Variants in DNAH8 observed in about 807,000 individuals in gnomAD.
The protein encoded by DNAH8 is axonemal beta dynein heavy chain 8.
Under a neutral mutation model 562.1 loss-of-function variants are expected in DNAH8, and 382 were observed. The observed-to-expected ratio is 0.68, with a 90% CI of 0.63 to 0.74. DNAH8 has a LOEUF of 0.74. Ranked by LOEUF, DNAH8 falls within the 30% of genes least tolerant of loss-of-function variation. DNAH8 has a pLI of 0.00. For synonymous variants in DNAH8, 1,881 were observed against 1,919.4 expected (o/e 0.98, Z 0.52); for missense variants, 5,203 against 5,620.4 (o/e 0.93, Z 2.37).
rs764598256 is a variant in DNAH8, at chr6:38,984,321, G to T, written c.13053+14G>T. The stretch of plus-strand genomic sequence containing the variant: ...TGCTTTGCCAGAGTAAGTCAATTTA[G>T]AAAAATAAAGTTTGGAGACACATTT... On this transcript the variant is annotated intron_variant, in intron 87 of 92. Coordinates refer to ENST00000327475, the MANE Select transcript of DNAH8 (RefSeq NM_001206927.2). The T allele has an allele frequency of 6.5e-7, 1 of 1,548,346 alleles. No homozygotes were observed. The highest frequency in any genetic ancestry group is 1.7e-5 in the Admixed American group (1 of 59,866).
chr6:38,828,373 T>C lies in DNAH8; in HGVS notation c.4188+85T>C, dbSNP rs538675452. ...TATTTTATACCTTTTTAAAGCTTAA[T>C]ATACAGTCATGTGCCACATAACAAT... On this transcript the variant is annotated intron_variant, in intron 30 of 92. Transcript: ENST00000327475. The C allele has an allele frequency of 1.4e-5, 10 of 702,744 alleles. No homozygotes were observed. In the Admixed American group the frequency reaches 3.0e-4, roughly 21 times the overall value. 43.5% of individuals were successfully genotyped at this position (702,744 alleles called of 1,614,324 possible). A position where few individuals can be genotyped will look rare whatever the true frequency, so the allele number is the denominator to read the frequency against.
At chr6:38,810,991 CT>C (rs1771745846) in intron 24 of DNAH8, among the ~76,000 whole-genome samples, 1 of 152,074 alleles carries the variant, frequency 6.6e-6, no homozygotes, top group Non-Finnish European at 1.5e-5. Context: ...AGTTTTGTTG[CT>C]GCTGATGAGA....
intron 26 of DNAH8, among the ~76,000 whole-genome samples, chr6:38,820,902 A>T (rs1456165415): frequency 1.3e-5 from 2 of 152,148 alleles, no homozygotes; most frequent in South Asian, 4.1e-4. Context: ...GAAAGCCTGA[A>T]TTTTTTCCCC....
intron 21 of DNAH8, among the ~76,000 whole-genome samples, chr6:38,797,678 A>G (rs1175945522): frequency 6.6e-6 from 1 of 152,162 alleles, no homozygotes; most frequent in East Asian, 1.9e-4. Flanking sequence ...CTAAGTTGCA[A>G]TTCAGGTTTT....
chr6:38,770,937 G>T (rs1405249262), intron 12 of DNAH8, among the ~76,000 whole-genome samples: 2 of 152,192 alleles, frequency 1.3e-5, no homozygotes, highest in Non-Finnish European at 2.9e-5. Context: ...GTATAAGCAT[G>T]TCCTCTTTCT....
intron 92 of DNAH8, 57 bp downstream of exon 92, chr6:39,026,724 G>A (rs752527337): frequency 3.1e-6 from 5 of 1,592,274 alleles, no homozygotes; most frequent in Admixed American, 1.7e-5. Context: ...GAAATTTCAA[G>A]TTCTGCTTAA....
chr6:39,009,033 A>G (rs1451155204), intron 89 of DNAH8, 63 bp downstream of exon 89: 4 of 1,243,858 alleles, frequency 3.2e-6, no homozygotes, highest in Non-Finnish European at 4.5e-6. Flanking sequence ...AGTAAGTTTG[A>G]TTACCTTGAA....
rs555426453 is a variant in DNAH8 at position 38,981,257 on chromosome 6, A to T, written c.12835-1089A>T. Among the ~76,000 whole-genome samples the T allele has an allele frequency of 2.8e-4, 42 of 152,242 alleles. No individual in the cohort carries two copies. In the South Asian group the frequency reaches 8.5e-3, roughly 31 times the overall value. The stretch of plus-strand genomic sequence containing the variant: ...CCTTAGAGACTGATTATGTGTTGCG[A>T]TAGGAAAAGCTGATGCCATAGAAAC... On this transcript the variant is annotated intron_variant, in intron 85 of 92. Transcript: ENST00000327475.
At chr6:38,882,199 C>A (rs1158475147) in intron 53 of DNAH8, among the ~76,000 whole-genome samples, 5 of 152,274 alleles carry the variant, frequency 3.3e-5, no homozygotes, top group South Asian at 4.1e-4. Flanking sequence ...ACCCACCAAT[C>A]TCATTATTGG....
In DNAH8 at chr6:38,924,150, G is replaced by A. The variant is rs758150048; in HGVS notation, c.10950G>A (p.Val3650=). The change falls in exon 73 of 93, where the codon GTG becomes GTA. Residue 3650 remains valine (V), a synonymous_variant. Coordinates refer to ENST00000327475, the MANE Select transcript of DNAH8 (RefSeq NM_001206927.2). ...ACCTGAATCTTATTTCAATGTTGGT[G>A]GATCCTCCAACTGTAAGTTTTACTT... ...TENLNLISML[V]DPPTIGEWGL... The A allele has an allele frequency of 1.9e-6, 3 of 1,613,548 alleles. No individual in the cohort carries two copies. Among genetic ancestry groups the A allele is most frequent in the Non-Finnish European group, 2.5e-6 (3 of 1,179,714 alleles).
chr6:38,838,513 C>T (rs1327163414), intron 33 of DNAH8, among the ~76,000 whole-genome samples: 2 of 151,894 alleles, frequency 1.3e-5, no homozygotes, highest in Non-Finnish European at 2.9e-5. Context: ...ATTCTCCTGC[C>T]TCAGCCTTCC....
chr6:38,999,397 G>A (rs115561145), intron 88 of DNAH8, among the ~76,000 whole-genome samples: 1,854 of 149,372 alleles, frequency 0.012, 13 homozygotes, highest in Non-Finnish European at 0.018. Flanking sequence ...GGATATGGGG[G>A]CTGTTTTTTT....
At chr6:38,824,366 C>T (rs1259317823) in intron 28 of DNAH8, among the ~76,000 whole-genome samples, 2 of 152,018 alleles carry the variant, frequency 1.3e-5, no homozygotes, top group Non-Finnish European at 2.9e-5. Context: ...CACTCAGAGG[C>T]GGGTTTATTG....
intron 41 of DNAH8, among the ~76,000 whole-genome samples, chr6:38,854,741 G>A (rs897246523): frequency 4.6e-5 from 7 of 151,866 alleles, no homozygotes; most frequent in Admixed American, 2.0e-4. Context: ...TAAGTAGAGA[G>A]TTGAGAGCAA....
chr6:38,969,003 T>C (rs2150683551), intron 82 of DNAH8, among the ~76,000 whole-genome samples: 1 of 152,268 alleles, frequency 6.6e-6, no homozygotes, highest in Admixed American at 6.5e-5. Flanking sequence ...CTTGAAAGCA[T>C]GCTAACTGAA....
intron 11 of DNAH8, chr6:38,763,100 G>C: frequency 2.9e-6 from 1 of 349,200 alleles, no homozygotes; most frequent in South Asian, 2.4e-5. Flanking sequence ...ATAAAAGAAA[G>C]GGATAATGAC....
chr6:38,886,718 G>A (rs1778952215), intron 56 of DNAH8, 73 bp from the exon 57 acceptor site: 1 of 1,144,786 alleles, frequency 8.7e-7, no homozygotes, highest in Middle Eastern at 2.0e-4. Context: ...AATCTCATTT[G>A]TACTATTTTA....
chr6:38,927,838 C>A (rs1302942698), intron 74 of DNAH8, among the ~76,000 whole-genome samples: 1 of 152,156 alleles, frequency 6.6e-6, no homozygotes. Context: ...GTCCCAGGAA[C>A]CTTCTTGTGG....
chr6:38,913,967 A>T lies in DNAH8; in HGVS notation c.9963+15A>T, dbSNP rs376789490. The T allele has an allele frequency of 6.1e-5, 96 of 1,576,482 alleles. No individual in the cohort carries two copies. Among genetic ancestry groups the T allele is most frequent in the Non-Finnish European group, 7.5e-5 (86 of 1,146,660 alleles). On this transcript the variant is annotated intron_variant, in intron 67 of 92. Coordinates refer to ENST00000327475, the MANE Select transcript of DNAH8 (RefSeq NM_001206927.2). Reference sequence around the variant, plus strand: ...AAGCAGACGAAGTGAGTTTGCATTTATTTTATCACTGATGAGGAATATTTT... The same window carrying T: ...AAGCAGACGAAGTGAGTTTGCATTTTTTTTATCACTGATGAGGAATATTTT...
Sources: allele counts gnomAD v4.1 joint callset (sites outside exome capture counted in the v4.1 genomes callset), GRCh38; gene constraint gnomAD v4.1.1; transcripts MANE v1.5; gene names NCBI Gene and HGNC (gene_info 2026-07-23, HGNC 2026-07-21).